The following NSD3 variants were observed in gnomAD, a reference collection of about 807,000 sequenced individuals.
NSD3 encodes the protein nuclear receptor binding SET domain protein 3.
In NSD3, 24 loss-of-function variants were observed where a neutral mutation model predicts 160.8. That is an observed-to-expected ratio of 0.15 (90% CI 0.11 to 0.21). NSD3 has a LOEUF of 0.21. NSD3 is among the 10% of genes least tolerant of loss of function. NSD3 has a pLI of 1.00. For synonymous variants in NSD3, 520 were observed against 600.0 expected, an observed-to-expected ratio of 0.87 and a Z score of 1.95; for missense variants, 1,157 against 1,735.9, an observed-to-expected ratio of 0.67 and a Z score of 5.93.
At chr8:38,322,874 T>C (rs1233292859) in intron 7 of NSD3, among the ~76,000 whole-genome samples, 3 of 152,162 alleles carry the variant, frequency 2.0e-5, no homozygotes, top group African/African-American at 7.2e-5. Flanking sequence ...GATGATGCAA[T>C]TGGTTTCTGA....
chr8:38,311,700 T>C (rs1021349619), intron 12 of NSD3, among the ~76,000 whole-genome samples: 2 of 152,340 alleles, frequency 1.3e-5, no homozygotes, highest in South Asian at 2.1e-4. Flanking sequence ...TTATGAGATA[T>C]GTAATTTGCA....
At chr8:38,355,015 G>C (rs898413812) in intron 1 of NSD3, among the ~76,000 whole-genome samples, 1 of 152,172 alleles carries the variant, frequency 6.6e-6, no homozygotes, top group African/African-American at 2.4e-5. Context: ...TCTTTACATA[G>C]TGATTTTTAT....
intron 14 of NSD3, among the ~76,000 whole-genome samples, chr8:38,301,737 A>G (rs1809281027): frequency 6.6e-6 from 1 of 152,252 alleles, no homozygotes; most frequent in Admixed American, 6.5e-5. Context: ...AAATTATTTA[A>G]TCTAGGTTTC....
At position 38,316,370 on chromosome 8, in the gene NSD3, GA is replaced by G. The variant is rs1809663861; in HGVS notation, c.1856-329del. ...GCTGATGGATTTGGAGCAATTCAAA[GA>G]ACCATTCAATTTGGAGGGGGAAGAC... On this transcript the variant is annotated intron_variant, in intron 9 of 23. Transcript: ENST00000317025. The surrounding 1 kb of genome is among the most constrained non-coding windows in gnomAD (Gnocchi z 4.5). 1.8e-6 allele frequency: 2 copies of G among 1,090,248 alleles called. No individual in the cohort carries two copies. Among genetic ancestry groups the G allele is most frequent in the Admixed American group, 4.7e-5 (1 of 21,158 alleles). The allele number at this position is 1,090,248 out of a possible 1,614,324, so 67.5% of individuals were successfully genotyped here. A position where few individuals can be genotyped will look rare whatever the true frequency, so the allele number is the denominator to read the frequency against.
chr8:38,349,282 G>A (rs1359554170), intron 1 of NSD3, among the ~76,000 whole-genome samples: 1 of 152,002 alleles, frequency 6.6e-6, no homozygotes, highest in Non-Finnish European at 1.5e-5. Flanking sequence ...TCTCACAATT[G>A]TTTGATATAA....
chr8:38,330,682 A>T (rs554106280), intron 5 of NSD3, among the ~76,000 whole-genome samples: 1 of 152,368 alleles, frequency 6.6e-6, no homozygotes, highest in South Asian at 2.1e-4. Context: ...TCATAAAATT[A>T]ATCAAAATTC....
At position 38,334,176 on chromosome 8, in the gene NSD3, A is replaced by G. The variant is rs534800125; in HGVS notation, c.911-2591T>C. 5.3e-5 allele frequency among the ~76,000 whole-genome samples: 8 copies of G among 152,360 alleles called. No homozygotes were observed. In the East Asian group the frequency reaches 1.5e-3, roughly 29 times the overall value. The stretch of plus-strand genomic sequence containing the variant: ...GCATTTAAAACTATACTATATAGCC[A>G]TAAATGGAATATTATTTGGCAATAA... On this transcript the variant is annotated intron_variant, in intron 4 of 23. Transcript: ENST00000317025.
At chr8:38,380,679 A>AT (rs1164365835) in intron 1 of NSD3, 2 of 152,310 alleles carry the variant, frequency 1.3e-5, no homozygotes, top group African/African-American at 4.8e-5. Context: ...GATGGAAAAC[A>AT]TCACTACCTC....
At chr8:38,345,766 C>T (rs766290948) in intron 2 of NSD3, among the ~76,000 whole-genome samples, 8 of 151,458 alleles carry the variant, frequency 5.3e-5, no homozygotes, top group Non-Finnish European at 1.2e-4. Flanking sequence ...AAAAATTAGC[C>T]AGGCGTGGTG....
rs778800696 is a variant in NSD3, at chr8:38,299,535, G to A, written c.2667C>T (p.Ser889=). 6.2e-7 allele frequency: 1 copy of A among 1,613,720 alleles called. No individual in the cohort carries two copies. The highest frequency in any genetic ancestry group is 8.5e-7 in the Non-Finnish European group (1 of 1,179,850). The change falls in exon 15 of 24, where the codon TCC becomes TCT. Residue 889 remains serine, a synonymous_variant. Transcript: ENST00000317025. ...GATTTGATTCATTCAGTAGGTAGTG[G>A]GACTTATAGGCATATGAACTGAACA... ...DPMFSSYAYK[S]HYLLNESNRA... is the part of the protein sequence containing the mutation.
intron 1 of NSD3, among the ~76,000 whole-genome samples, chr8:38,351,009 T>C (rs1195428945): frequency 6.6e-6 from 1 of 150,688 alleles, no homozygotes; most frequent in Non-Finnish European, 1.5e-5. Flanking sequence ...TCTTGCTCTG[T>C]CGCCCAGGTT....
At chr8:38,308,152 A>C (rs988197129) in intron 12 of NSD3, among the ~76,000 whole-genome samples, 4 of 152,212 alleles carry the variant, frequency 2.6e-5, no homozygotes, top group Non-Finnish European at 5.9e-5. Context: ...TTTTTTACAG[A>C]AAGTTAGGTG....
rs138802037 is a variant in NSD3 at position 38,327,425 on chromosome 8, G to A, written c.1582-569C>T. Among the ~76,000 whole-genome samples, 1,921 of 152,124 alleles carry A rather than the reference G, an allele frequency of 0.013. 116 individuals are homozygous for A. The East Asian group carries it at 0.18, about 14-fold the overall frequency. On this transcript the variant is annotated intron_variant, in intron 6 of 23. Coordinates refer to ENST00000317025, the MANE Select transcript of NSD3 (RefSeq NM_023034.2). ...GCTGCAGTGCAGTGGTGTGATCTTG[G>A]CTCACTGCAACCTCTGCCTCGTCCC...
At chr8:38,374,488 G>C (rs1288477542) in intron 1 of NSD3, among the ~76,000 whole-genome samples, 2 of 152,098 alleles carry the variant, frequency 1.3e-5, no homozygotes, top group African/African-American at 4.8e-5. Flanking sequence ...CCGGCGCAGT[G>C]GCACCTGCCT....
At position 38,318,881 on chromosome 8, in the gene NSD3, T is replaced by C. The variant is rs200497342; in HGVS notation, c.1855+14A>G. 9.8e-5 allele frequency: 158 copies of C among 1,606,966 alleles called. No individual in the cohort carries two copies. Among genetic ancestry groups the C allele is most frequent in the Non-Finnish European group, 1.3e-4 (156 of 1,177,412 alleles). ...ATCAAGGAAATGCAAAGCAACATTA[T>C]AATATTAACTCACCTTTCTGTAATC... is the stretch of plus-strand genomic sequence containing the variant. On this transcript the variant is annotated intron_variant, in intron 9 of 23. Transcript: ENST00000317025. This position sits in a 1 kb window ranked among gnomAD's most constrained non-coding sequence, Gnocchi z 5.3.
In NSD3 at chr8:38,303,323, G is replaced by A. The variant is rs1238926251; in HGVS notation, c.2611+1264C>T. On this transcript the variant is annotated intron_variant, in intron 14 of 23. Transcript: ENST00000317025. Reference sequence around the variant, plus strand: ...TATTTATTATTTGCCCACCTGTTACGATATAGCAGGAAACATTTCAGACCT... The same window carrying A: ...TATTTATTATTTGCCCACCTGTTACAATATAGCAGGAAACATTTCAGACCT... 1.2e-5 allele frequency: 12 copies of A among 985,296 alleles called. No homozygotes were observed. The Middle Eastern group carries it at 1.6e-3, about 129-fold the overall frequency. 61.0% of individuals were successfully genotyped at this position (985,296 alleles called of 1,614,324 possible).
intron 1 of NSD3, among the ~76,000 whole-genome samples, chr8:38,355,590 G>A (rs2150387822): frequency 6.6e-6 from 1 of 152,228 alleles, no homozygotes; most frequent in South Asian, 2.1e-4. Flanking sequence ...AAAAATGCTG[G>A]GCAAGGAGGC....
At chr8:38,298,394 A>G (rs1167462869) in intron 15 of NSD3, among the ~76,000 whole-genome samples, 1 of 152,218 alleles carries the variant, frequency 6.6e-6, no homozygotes, top group Non-Finnish European at 1.5e-5. Context: ...AATACTTCTA[A>G]TATGTTCCAA....
Position 38,329,412 on chromosome 8 carries a change from C to T in NSD3, c.1547G>A (p.Gly516Glu), listed in dbSNP as rs757691230. 1.2e-6 allele frequency: 2 copies of T among 1,611,778 alleles called. No homozygotes were observed. Among genetic ancestry groups the T allele is most frequent in the Non-Finnish European group, 8.5e-7 (1 of 1,178,254 alleles). ...ATAAACAAATTGATCGATAAATTTCCCATCCCCTGTAGCATTCTGAAGAGC... is the reference window on the plus strand; with the variant it reads ...ATAAACAAATTGATCGATAAATTTCTCATCCCCTGTAGCATTCTGAAGAGC... ...VFALQNATGD[G>E]KFIDQFVYST... Residue 516 changes from glycine to glutamate, a missense_variant, in exon 6 of 24, where the codon GGG (glycine) becomes GAG (glutamate). By Grantham distance (98) the Gly-to-Glu change is moderately conservative. Transcript: ENST00000317025. The surrounding 1 kb of genome is among the most constrained non-coding windows in gnomAD (Gnocchi z 4.8).
Sources: allele counts gnomAD v4.1 joint callset (sites outside exome capture counted in the v4.1 genomes callset), GRCh38; gene constraint gnomAD v4.1.1; non-coding constraint Gnocchi (gnomAD v3.1); transcripts MANE v1.5; gene names NCBI Gene and HGNC (gene_info 2026-07-23, HGNC 2026-07-21).